The following TECR variants were observed in gnomAD, a reference collection of about 807,000 sequenced individuals.
TECR encodes the protein trans-2,3-enoyl-CoA reductase, also known as very-long-chain enoyl-CoA reductase.
In TECR, 19 loss-of-function variants were observed where a neutral mutation model predicts 50.6. The observed-to-expected ratio is 0.38, with a 90% CI of 0.26 to 0.55. The LOEUF (loss-of-function observed/expected upper bound fraction) is 0.55, where lower values mean the gene tolerates loss of function less well. Among genes scored for constraint, TECR ranks in the 20% least tolerant of loss-of-function variants. The pLI, the probability that TECR is intolerant of heterozygous loss-of-function variation, is 0.79. For synonymous variants in TECR, 168 were observed against 163.5 expected, an observed-to-expected ratio of 1.03 and a Z score of -0.21; for missense variants, 313 against 408.3, an observed-to-expected ratio of 0.77 and a Z score of 2.01.
upstream of TECR, among the ~76,000 whole-genome samples, chr19:14,527,962 C>T (rs2072466824): frequency 6.6e-6 from 1 of 151,910 alleles, no homozygotes; most frequent in African/African-American, 2.4e-5. Flanking sequence ...GCGATCTTGG[C>T]TCACTGCAAC....
chr19:14,540,927 C>T (rs963148552), intron 1 of TECR, among the ~76,000 whole-genome samples: 13 of 152,040 alleles, frequency 8.6e-5, no homozygotes, highest in South Asian at 4.1e-4. Context: ...TTCCGCTTTC[C>T]GGTTTCAAGC....
At chr19:14,544,983 C>T (rs2073250237) in intron 1 of TECR, 2 of 414,316 alleles carry the variant, frequency 4.8e-6, no homozygotes, top group South Asian at 1.7e-5. Flanking sequence ...ACTGCGGTGT[C>T]CTTTTCACTC....
rs1253859660 is a variant in TECR, at chr19:14,563,060, G to A, written c.67-146G>A. ...GCAGGGCCCTCGGTGGTCCTTCCCT[G>A]ACTGCAGGCAGAGGCCTGGACCCCA... On this transcript the variant is annotated intron_variant, in intron 2 of 12. Coordinates refer to ENST00000215567, the MANE Select transcript of TECR (RefSeq NM_138501.6). This position sits in a 1 kb window ranked among gnomAD's most constrained non-coding sequence, Gnocchi z 5.3. The A allele has an allele frequency of 4.0e-6, 4 of 1,007,410 alleles. No individual in the cohort carries two copies. The Admixed American group carries it at 6.6e-5, about 17-fold the overall frequency. The allele number at this position is 1,007,410 out of a possible 1,614,324, so 62.4% of individuals were successfully genotyped here.
At position 14,563,922 on chromosome 19, in the gene TECR, C is replaced by T. The variant is rs1030839803; in HGVS notation, c.267+19C>T. ...GGTGACGGTGAGTCCTGACCCTACC[C>T]ACGGCCTCTTTTCCCGTCAGCCACG... On this transcript the variant is annotated intron_variant, in intron 5 of 12. Coordinates refer to ENST00000215567, the MANE Select transcript of TECR (RefSeq NM_138501.6). The surrounding 1 kb of genome is among the most constrained non-coding windows in gnomAD (Gnocchi z 5.3). The T allele has an allele frequency of 3.1e-6, 5 of 1,613,876 alleles. No homozygotes were observed. Among genetic ancestry groups the T allele is most frequent in the East Asian group, 2.2e-5 (1 of 44,890 alleles).
chr19:14,542,636 A>G (rs182398577), intron 1 of TECR, among the ~76,000 whole-genome samples: 109 of 152,244 alleles, frequency 7.2e-4, no homozygotes, highest in African/African-American at 2.6e-3. Context: ...TGTTGGGATT[A>G]GAGGCATTGA....
intron 1 of TECR, among the ~76,000 whole-genome samples, chr19:14,550,619 GTGTT>G (rs1385853256): frequency 2.0e-5 from 3 of 152,140 alleles, no homozygotes; most frequent in African/African-American, 7.2e-5. Flanking sequence ...GGGGAGTTGA[GTGTT>G]TGGCCTTTAC....
chr19:14,535,866 G>A (rs1159237881), intron 1 of TECR, among the ~76,000 whole-genome samples: 1 of 151,568 alleles, frequency 6.6e-6, no homozygotes, highest in Non-Finnish European at 1.5e-5. Flanking sequence ...GGGGGTTGGA[G>A]GGGATCTTAG....
At chr19:14,540,839 G>T (rs946735344) in intron 1 of TECR, among the ~76,000 whole-genome samples, 1 of 150,554 alleles carries the variant, frequency 6.6e-6, no homozygotes, top group Non-Finnish European at 1.5e-5. Flanking sequence ...GCTTTTTTTT[G>T]TTTGTTTGTT....
At position 14,562,356 on chromosome 19, in the gene TECR, C is replaced by T. The variant is rs960953921; in HGVS notation, c.16-169C>T. On this transcript the variant is annotated intron_variant, in intron 1 of 12. Transcript: ENST00000215567. ...GGCCGGCAGCTGGGGCTGCTGGCCA[C>T]CGTGGGCAGAGCCGAGTGGCAGGGC... The T allele has an allele frequency of 2.0e-3, 1,472 of 731,772 alleles. 5 individuals carry two copies. The highest frequency in any genetic ancestry group is 2.0e-3 in the Non-Finnish European group (814 of 407,154). The allele number at this position is 731,772 out of a possible 1,614,324, so 45.3% of individuals were successfully genotyped here. A position where few individuals can be genotyped will look rare whatever the true frequency, so the allele number is the denominator to read the frequency against.
chr19:14,542,347 G>GTGTTTTTT (rs2073125545), intron 1 of TECR, among the ~76,000 whole-genome samples: 9 of 43,282 alleles, frequency 2.1e-4, no homozygotes, highest in African/African-American at 4.9e-4. Context: ...ATGCCATAGT[G>GTGTTTTTT]TTTTTTTTTT....
chr19:14,558,216 T>G (rs1278989459), intron 1 of TECR, among the ~76,000 whole-genome samples: 1 of 152,138 alleles, frequency 6.6e-6, no homozygotes, highest in Non-Finnish European at 1.5e-5. Context: ...CAGGTCTGCT[T>G]CTCTGGGTTG....
chr19:14,542,623 A>T (rs761464179), intron 1 of TECR, among the ~76,000 whole-genome samples: 3 of 152,016 alleles, frequency 2.0e-5, no homozygotes, highest in African/African-American at 7.2e-5. Context: ...TGGCCTCCCA[A>T]AGTGTTGGGA....
In TECR at chr19:14,535,778, G is replaced by A. The variant is rs1431247737; in HGVS notation, c.15+6067G>A. ...TCTCAAAAAAAAAAAAAAAAAAAAA[G>A]GGAAAGTGGTGAGCCTTGAGCTGTG... On this transcript the variant is annotated intron_variant, in intron 1 of 12. Coordinates refer to ENST00000215567, the MANE Select transcript of TECR (RefSeq NM_138501.6). Among the ~76,000 whole-genome samples, 713 of 97,658 alleles carry A rather than the reference G, an allele frequency of 7.3e-3. 9 individuals are homozygous for A. The highest frequency in any genetic ancestry group is 0.02 in the African/African-American group (558 of 28,006). 64.1% of individuals were successfully genotyped at this position (97,658 alleles called of 152,430 possible). A position where few individuals can be genotyped will look rare whatever the true frequency, so the allele number is the denominator to read the frequency against.
rs577605678 is a variant in TECR, at chr19:14,540,063, A to ATT, written c.15+10365_15+10366dup. On this transcript the variant is annotated intron_variant, in intron 1 of 12. Transcript: ENST00000215567. The stretch of plus-strand genomic sequence containing the variant: ...CCTGGCTAATTTTTGAATTTATTTA[A>ATT]TTTTTTTTTTTTTTGAGACGGAGTC... Among the ~76,000 whole-genome samples, 168 of 116,446 alleles carry ATT rather than the reference A, an allele frequency of 1.4e-3. No individual in the cohort carries two copies. In the South Asian group the frequency reaches 0.02, roughly 14 times the overall value. The allele number at this position is 116,446 out of a possible 152,430, so 76.4% of individuals were successfully genotyped here.
intron 1 of TECR, among the ~76,000 whole-genome samples, chr19:14,534,727 G>T (rs796329989): frequency 2.0e-5 from 3 of 152,082 alleles, no homozygotes; most frequent in Non-Finnish European, 2.9e-5. Flanking sequence ...GTGAGCCACC[G>T]CACCTTGCCC....
chr19:14,538,340 G>T (rs1202477278), intron 1 of TECR, among the ~76,000 whole-genome samples: 1 of 152,058 alleles, frequency 6.6e-6, no homozygotes, highest in East Asian at 1.9e-4. Flanking sequence ...ACCCTGTGAG[G>T]CCAGGATAAC....
chr19:14,554,658 G>A (rs184699409), intron 1 of TECR, among the ~76,000 whole-genome samples: 1 of 152,236 alleles, frequency 6.6e-6, no homozygotes, highest in African/African-American at 2.4e-5. Flanking sequence ...TCCAGCCTTG[G>A]CTCAGGTGGT....
upstream of TECR, chr19:14,529,520 A>T: frequency 4.8e-6 from 4 of 825,032 alleles, no homozygotes; most frequent in Non-Finnish European, 6.2e-6. Flanking sequence ...GCAGGGGCGA[A>T]CGTGGGCGCC....
intron 1 of TECR, chr19:14,530,910 G>A (rs1322153459): frequency 6.6e-6 from 1 of 152,174 alleles, no homozygotes; most frequent in Non-Finnish European, 1.5e-5. Context: ...GAAAACAGAA[G>A]CTGTAGACGT....
Sources: allele counts gnomAD v4.1 joint callset (sites outside exome capture counted in the v4.1 genomes callset), GRCh38; gene constraint gnomAD v4.1.1; non-coding constraint Gnocchi (gnomAD v3.1); transcripts MANE v1.5; gene names NCBI Gene and HGNC (gene_info 2026-07-23, HGNC 2026-07-21).